The following SHLD2 variants were observed in gnomAD, a reference collection of about 807,000 sequenced individuals.
The protein encoded by SHLD2 is RINN1-REV7-interacting novel NHEJ regulator 2.
A neutral mutation model predicts 73.2 loss-of-function variants in SHLD2; 30 were observed. The ratio of observed to expected loss-of-function variants is 0.41; its 90% CI spans 0.31 to 0.56. The LOEUF (loss-of-function observed/expected upper bound fraction) is 0.56, where lower values mean the gene tolerates loss of function less well. Among genes scored for constraint, SHLD2 ranks in the 20% least tolerant of loss-of-function variants. SHLD2 has a pLI of 0.28. For synonymous variants in SHLD2, 285 were observed against 370.1 expected (o/e 0.77, Z 2.64); for missense variants, 745 against 1,055.9 (o/e 0.71, Z 4.08).
intron 4 of SHLD2, among the ~76,000 whole-genome samples, chr10:87,160,881 C>T (rs1846760686): frequency 6.6e-6 from 1 of 151,618 alleles, no homozygotes; most frequent in Admixed American, 6.6e-5. Context: ...GTCCCAGCTA[C>T]TCAGGAGGCT....
intron 2 of SHLD2, among the ~76,000 whole-genome samples, chr10:87,121,045 T>C (rs1843583694): frequency 6.6e-6 from 1 of 152,014 alleles, no homozygotes; most frequent in South Asian, 2.1e-4. Context: ...AGCGAAACTC[T>C]GTCTCAAAAA....
intron 6 of SHLD2, among the ~76,000 whole-genome samples, chr10:87,175,116 C>CAAA (rs55718551): frequency 2.4e-5 from 2 of 84,724 alleles, no homozygotes; most frequent in Non-Finnish European, 4.9e-5. Flanking sequence ...GACTCCATCT[C>CAAA]AAAAAAAAAA....
intron 4 of SHLD2, among the ~76,000 whole-genome samples, chr10:87,169,749 A>T (rs1270078806): frequency 6.6e-6 from 1 of 152,022 alleles, no homozygotes; most frequent in African/African-American, 2.4e-5. Context: ...CAGAAACTAT[A>T]CCTTAATAAA....
rs200289839 is a variant in SHLD2, at chr10:87,129,688, G to A, written c.-5-21662G>A. 3.1e-3 allele frequency among the ~76,000 whole-genome samples: 471 copies of A among 151,724 alleles called. 15 individuals are homozygous for A. The East Asian group carries it at 0.079, about 25-fold the overall frequency. On this transcript the variant is annotated intron_variant, in intron 2 of 9. Transcript: ENST00000298786. ...TTTTGACACAGGGTCTTGCTCTGTC[G>A]TGGCTCACTACAGCTTTGATTGCTC...
chr10:87,100,947 A>G (rs1035165112), intron 2 of SHLD2, among the ~76,000 whole-genome samples: 2 of 152,328 alleles, frequency 1.3e-5, no homozygotes, highest in South Asian at 4.1e-4. Flanking sequence ...CTGTAGATCA[A>G]TTTGGGAATT....
At chr10:87,164,256 C>T (rs1230623956) in intron 4 of SHLD2, among the ~76,000 whole-genome samples, 2 of 151,940 alleles carry the variant, frequency 1.3e-5, no homozygotes, top group Admixed American at 6.6e-5. Context: ...CTGTGCCTGG[C>T]CTCTCTTTTT....
chr10:87,181,779 T>A (rs1589665794), intron 8 of SHLD2, among the ~76,000 whole-genome samples: 2 of 152,122 alleles, frequency 1.3e-5, no homozygotes, highest in Admixed American at 6.5e-5. Flanking sequence ...CTTTTTTTTT[T>A]ATTTTTTGAG....
intron 2 of SHLD2, among the ~76,000 whole-genome samples, chr10:87,118,658 T>G (rs1257641426): frequency 1.3e-5 from 2 of 149,392 alleles, no homozygotes; most frequent in Non-Finnish European, 3.0e-5. Flanking sequence ...AGGGTCTTGC[T>G]ATGTTGTCCA....
Position 87,180,226 on chromosome 10 carries a change from A to G in SHLD2, c.2322A>G (p.Glu774=). The change falls in exon 8 of 10, where the codon GAA becomes GAG. Residue 774 remains glutamate (E), a synonymous_variant. Transcript: ENST00000298786. ...VYTGCAKCGL[E]LETDENRIYK... is the part of the protein sequence containing the mutation. Reference sequence around the variant, plus strand: ...CTGGTTGTGCAAAATGTGGATTGGAACTAGAAACAGATGAGAACAGGATCT... The same window carrying G: ...CTGGTTGTGCAAAATGTGGATTGGAGCTAGAAACAGATGAGAACAGGATCT... 6.2e-7 allele frequency: 1 copy of G among 1,612,812 alleles called. No individual in the cohort carries two copies.
chr10:87,149,718 C>A (rs1294409694), intron 2 of SHLD2, among the ~76,000 whole-genome samples: 2 of 150,982 alleles, frequency 1.3e-5, no homozygotes, highest in East Asian at 3.9e-4. Context: ...GAGCAAAACT[C>A]TGTCTCTAAA....
intron 2 of SHLD2, among the ~76,000 whole-genome samples, chr10:87,104,919 A>G (rs1292741382): frequency 1.3e-5 from 2 of 152,142 alleles, no homozygotes; most frequent in East Asian, 1.9e-4. Flanking sequence ...TCCGCCTCCC[A>G]GTGTTGGGAT....
In SHLD2 at chr10:87,151,696, T is replaced by C. The variant is rs3129521; in HGVS notation, c.342T>C (p.Asp114=). ...SQKIHSSRLS[D]ITSSNMQICG... ...AGATTCACTCCTCTAGACTGAGTGA[T>C]ATAACTAGCTCTAATATGCAAATAT... Residue 114 remains aspartate, a synonymous_variant, in exon 3 of 10, where the codon GAT becomes GAC. Transcript: ENST00000298786. 1.2e-6 allele frequency: 2 copies of C among 1,611,778 alleles called. No homozygotes were observed. The highest frequency in any genetic ancestry group is 1.7e-6 in the Non-Finnish European group (2 of 1,179,674).
intron 2 of SHLD2, among the ~76,000 whole-genome samples, chr10:87,107,063 T>C (rs1361083579): frequency 2.9e-5 from 4 of 139,824 alleles, no homozygotes; most frequent in Admixed American, 7.7e-5. Flanking sequence ...CTATTTTTTT[T>C]CTATAGATAT....
chr10:87,098,771 GT>G lies in SHLD2; in HGVS notation c.-6+1791del, dbSNP rs11411948. The stretch of plus-strand genomic sequence containing the variant: ...ATATACAGATAATTTGCAAAGTAAG[GT>G]TTTTTTTTATTTTTATTTTTCGAGA... On this transcript the variant is annotated intron_variant, in intron 2 of 9. Transcript: ENST00000298786. Among the ~76,000 whole-genome samples, 316 of 151,718 alleles carry G rather than the reference GT, an allele frequency of 2.1e-3. 1 individual carries two copies. Among genetic ancestry groups the G allele is most frequent in the African/African-American group, 7.2e-3 (299 of 41,376 alleles).
chr10:87,189,688 T>G (rs1433981249), intron 9 of SHLD2, among the ~76,000 whole-genome samples: 2 of 152,226 alleles, frequency 1.3e-5, no homozygotes, highest in African/African-American at 4.8e-5. Context: ...CATTCTGGTA[T>G]TGAACAACCT....
At chr10:87,142,782 T>C (rs1280775238) in intron 2 of SHLD2, among the ~76,000 whole-genome samples, 4 of 150,970 alleles carry the variant, frequency 2.6e-5, no homozygotes, top group African/African-American at 9.8e-5. Context: ...TAATTTTTCT[T>C]GATTGTGTTT....
intron 2 of SHLD2, among the ~76,000 whole-genome samples, chr10:87,117,848 A>T (rs765090289): frequency 6.6e-6 from 1 of 152,190 alleles, no homozygotes; most frequent in Non-Finnish European, 1.5e-5. Context: ...GGAATTCTCT[A>T]TTGTTTCGAA....
chr10:87,183,550 C>G (rs924666882), intron 8 of SHLD2, among the ~76,000 whole-genome samples: 1 of 152,206 alleles, frequency 6.6e-6, no homozygotes, highest in Non-Finnish European at 1.5e-5. Context: ...AACATTACAT[C>G]TCCCTCTTGT....
chr10:87,112,613 C>T (rs974070633), intron 2 of SHLD2, among the ~76,000 whole-genome samples: 3 of 151,112 alleles, frequency 2.0e-5, no homozygotes, highest in Non-Finnish European at 2.9e-5. Flanking sequence ...CCAGCCTGGG[C>T]GGCAGAGCAA....
Sources: allele counts gnomAD v4.1 joint callset (sites outside exome capture counted in the v4.1 genomes callset), GRCh38; gene constraint gnomAD v4.1.1; transcripts MANE v1.5; gene names NCBI Gene and HGNC (gene_info 2026-07-23, HGNC 2026-07-21).